MYO19: variants seen among roughly 807,000 people sequenced by gnomAD.
MYO19 encodes the protein unconventional myosin-XIX.
In MYO19, 132 loss-of-function variants were observed where a neutral mutation model predicts 129.2. The observed-to-expected ratio is 1.02, with a 90% confidence interval of 0.89 to 1.18. The LOEUF is 1.18. Ranked by LOEUF, MYO19 falls within the 50% of genes most tolerant of loss-of-function variation. The pLI is 0.00. For missense variants in MYO19, 1,210 were observed against 1,216.7 expected (o/e 0.99, Z 0.08); for synonymous variants, 531 against 477.2 (o/e 1.11, Z -1.47).
chr17:36,523,258 A>T (rs2073262566), intron 6 of MYO19, among the ~76,000 whole-genome samples: 1 of 151,978 alleles, frequency 6.6e-6, no homozygotes, highest in Non-Finnish European at 1.5e-5. Flanking sequence ...TTATCCTAGG[A>T]CAGATGGGAA....
intron 15 of MYO19, 115 bp from the exon 16 acceptor site, chr17:36,507,627 A>C: frequency 7.4e-7 from 1 of 1,342,484 alleles, no homozygotes; most frequent in Admixed American, 2.0e-5. Context: ...TCAAAGAAAC[A>C]AAAGTATATC....
chr17:36,499,204 C>A (rs2071277090), intron 23 of MYO19, 44 bp from the exon 24 acceptor site: 2 of 1,474,216 alleles, frequency 1.4e-6, no homozygotes, highest in African/African-American at 1.4e-5. Flanking sequence ...ATAAAGGGGC[C>A]ATTAGAGCTG....
At chr17:36,500,468 T>C (rs1395058271) in intron 23 of MYO19, 1 of 224,412 alleles carries the variant, frequency 4.5e-6, no homozygotes, top group East Asian at 9.3e-5. Flanking sequence ...TTTTACCTTC[T>C]CCTTAAATTC....
intron 14 of MYO19, 28 bp from the exon 15 acceptor site, chr17:36,507,952 G>A: frequency 6.4e-7 from 1 of 1,573,140 alleles, no homozygotes; most frequent in South Asian, 1.2e-5. Flanking sequence ...AACCCATGGG[G>A]CCACTGCAGG....
intron 24 of MYO19, 155 bp downstream of exon 24, chr17:36,498,920 C>T: frequency 1.6e-6 from 1 of 630,530 alleles, no homozygotes; most frequent in Non-Finnish European, 2.8e-6. Context: ...TGTTACTGTG[C>T]CCACTGCATA....
chr17:36,507,050 A>T lies in MYO19; in HGVS notation c.1557T>A (p.Asn519Lys). 6.2e-7 allele frequency: 1 copy of T among 1,613,568 alleles called. No individual in the cohort carries two copies. Among genetic ancestry groups the T allele is most frequent in the East Asian group, 2.2e-5 (1 of 44,842 alleles). ...ALAGSPCLGH[N>K]KLSREPSFIV... ...TGAAGCTGGGCTCCCGGCTGAGCTTATTGTGGCCCAGGCAGGGGCTGCCTG... is the reference window on the plus strand; with the variant it reads ...TGAAGCTGGGCTCCCGGCTGAGCTTTTTGTGGCCCAGGCAGGGGCTGCCTG... The change falls in exon 17 of 26, where the codon AAT (asparagine) becomes AAA (lysine). Residue 519 changes from asparagine to lysine, a missense_variant. Transcript: ENST00000614623.
chr17:36,517,697 A>G (rs1380265665), intron 6 of MYO19, among the ~76,000 whole-genome samples: 1 of 152,200 alleles, frequency 6.6e-6, no homozygotes, highest in East Asian at 1.9e-4. Context: ...GGTATGCCAC[A>G]GACTGAATTG....
intron 23 of MYO19, 106 bp from the exon 24 acceptor site, chr17:36,499,266 GTTTT>G (rs111268012): frequency 1.3e-5 from 7 of 554,590 alleles, no homozygotes; most frequent in Non-Finnish European, 2.1e-5. Context: ...TTTCAAATAC[GTTTT>G]TTTTTTTTCA....
At chr17:36,534,969 C>T (rs1439057275), upstream of MYO19, 2 of 152,358 alleles carry the variant, frequency 1.3e-5, no homozygotes, top group Non-Finnish European at 2.9e-5. Flanking sequence ...CCGGCTCCTC[C>T]CTAGGGGCGG....
intron 13 of MYO19, chr17:36,509,388 A>G (rs1461494081): frequency 1.8e-6 from 1 of 561,950 alleles, no homozygotes; most frequent in African/African-American, 1.9e-5. Flanking sequence ...TGAGCACAGG[A>G]CAAGCTCAGC....
chr17:36,501,040 G>A (rs373053796), intron 22 of MYO19, 29 bp downstream of exon 22: 6 of 1,603,378 alleles, frequency 3.7e-6, no homozygotes, highest in Non-Finnish European at 5.1e-6. Context: ...GCTTGCCTCT[G>A]TAACCTCCTC....
Position 36,511,523 on chromosome 17 carries a change from G to C in MYO19, c.895-68C>G, listed in dbSNP as rs900907365. 1.5e-5 allele frequency: 20 copies of C among 1,346,232 alleles called. 1 individual carries two copies. In the South Asian group the frequency reaches 2.4e-4, roughly 16 times the overall value. The allele number at this position is 1,346,232 out of a possible 1,614,324, so 83.4% of individuals were successfully genotyped here. A position where few individuals can be genotyped will look rare whatever the true frequency, so the allele number is the denominator to read the frequency against. The stretch of plus-strand genomic sequence containing the variant: ...ACGTGGGCCTACTCTGGGAAGGGCC[G>C]TTCTGCTGAGTACAATCACGACAGC... On this transcript the variant is annotated intron_variant, in intron 11 of 25. Transcript: ENST00000614623.
chr17:36,516,379 T>A (rs1027084151), intron 6 of MYO19, among the ~76,000 whole-genome samples: 2 of 152,146 alleles, frequency 1.3e-5, no homozygotes, highest in African/African-American at 4.8e-5. Context: ...CAGTCTAACT[T>A]TTTTTTTCCG....
chr17:36,509,676 G>A lies in MYO19; in HGVS notation c.1158-541C>T, dbSNP rs190375149. On this transcript the variant is annotated intron_variant, in intron 13 of 25. Transcript: ENST00000614623. ...AGAAGATGAGACTACCACACAAGAC[G>A]CTGACACGTACAGCACTATACAGGG... 281 of 168,868 alleles carry A rather than the reference G, an allele frequency of 1.7e-3. 2 individuals are homozygous for A. Among genetic ancestry groups the A allele is most frequent in the East Asian group, 1.5e-3 (9 of 5,960 alleles). The allele number at this position is 168,868 out of a possible 1,614,324, so 10.5% of individuals were successfully genotyped here.
At chr17:36,530,911 G>A (rs2073796495) in intron 3 of MYO19, among the ~76,000 whole-genome samples, 2 of 151,976 alleles carry the variant, frequency 1.3e-5, no homozygotes, top group South Asian at 2.1e-4. Flanking sequence ...ATGAGCCACC[G>A]TGCCTGGCCT....
chr17:36,496,308 C>T lies in MYO19; in HGVS notation c.2856G>A (p.Leu952=). The T allele has an allele frequency of 6.2e-7, 1 of 1,614,030 alleles. No homozygotes were observed. Among genetic ancestry groups the T allele is most frequent in the African/African-American group, 1.3e-5 (1 of 75,054 alleles). The part of the protein sequence containing the change: ...PYSITGFNQI[L]LERHRLIHVT... ...CGTGGATCAGCCTGTGTCTTTCCAG[C>T]AGAATCTGATTAAAGCCTGTAATGC... is the stretch of plus-strand genomic sequence containing the variant. The change falls in exon 26 of 26, where the codon CTG becomes CTA. Residue 952 remains leucine (L), a synonymous_variant. Transcript: ENST00000614623.
chr17:36,502,026 G>GA (rs2071566255), intron 21 of MYO19: 1 of 153,116 alleles, frequency 6.5e-6, no homozygotes, highest in South Asian at 2.1e-4. Context: ...GAGAAAGGGT[G>GA]AAAGGAAAGT....
chr17:36,538,561 A>G, upstream of MYO19: 2 of 1,613,700 alleles, frequency 1.2e-6, no homozygotes, highest in Non-Finnish European at 1.7e-6. Flanking sequence ...ATGTTTTCCA[A>G]CTGTTTAATT....
intron 6 of MYO19, among the ~76,000 whole-genome samples, chr17:36,517,593 C>CTT (rs2072839140): frequency 6.6e-6 from 1 of 152,118 alleles, no homozygotes; most frequent in Non-Finnish European, 1.5e-5. Context: ...AGAGAAAAGT[C>CTT]TTTTATTTCA....
Sources: allele counts gnomAD v4.1 joint callset (sites outside exome capture counted in the v4.1 genomes callset), GRCh38; gene constraint gnomAD v4.1.1; transcripts MANE v1.5; gene names NCBI Gene and HGNC (gene_info 2026-07-23, HGNC 2026-07-21).